Variants in PRKCZ observed in about 807,000 individuals in gnomAD.
PRKCZ encodes protein kinase C zeta type.
In PRKCZ, 33 loss-of-function variants were observed where a neutral mutation model predicts 79.5. That is an observed-to-expected ratio of 0.41 (90% confidence interval 0.31 to 0.55). The LOEUF is 0.55. Among genes scored for constraint, PRKCZ ranks in the 20% least tolerant of loss-of-function variants. The probability of loss-of-function intolerance (pLI) is 0.19; values close to 1 mark genes in which losing one functional copy is unlikely to be tolerated. For missense variants in PRKCZ, 578 were observed against 813.5 expected, an observed-to-expected ratio of 0.71 and a Z score of 3.52; for synonymous variants, 342 against 320.9, an observed-to-expected ratio of 1.07 and a Z score of -0.70.
At chr1:2,179,992 C>T (rs907008814) in intron 16 of PRKCZ, among the ~76,000 whole-genome samples, 5 of 151,994 alleles carry the variant, frequency 3.3e-5, no homozygotes, top group Non-Finnish European at 5.9e-5. Context: ...AGGAGGGAGG[C>T]GGTTATGGGA....
intron 4 of PRKCZ, among the ~76,000 whole-genome samples, chr1:2,079,644 G>A (rs774361747): frequency 1.3e-5 from 2 of 152,246 alleles, no homozygotes; most frequent in Non-Finnish European, 2.9e-5. Context: ...CGCTGGCCCC[G>A]CGGCTGCTGC....
intron 4 of PRKCZ, among the ~76,000 whole-genome samples, chr1:2,081,681 C>T (rs1044391761): frequency 9.9e-5 from 15 of 152,156 alleles, no homozygotes; most frequent in South Asian, 4.1e-4. Flanking sequence ...GGACTGACCC[C>T]GCATACTCTT....
Position 2,174,966 on chromosome 1 carries a change from C to T in PRKCZ, c.1485+133C>T, listed in dbSNP as rs1430327899. On this transcript the variant is annotated intron_variant, in intron 15 of 17. Coordinates refer to ENST00000378567, the MANE Select transcript of PRKCZ (RefSeq NM_002744.6). The surrounding 1 kb of genome is among the most constrained non-coding windows in gnomAD (Gnocchi z 6.2). ...GGGTGTGTGGGTTGATTTTCCGCTT[C>T]AGTATTTGAGCTCTGTGTTCTGTGA... 4 of 955,970 alleles carry T rather than the reference C, an allele frequency of 4.2e-6. No homozygotes were observed. In the East Asian group the frequency reaches 7.4e-5, roughly 18 times the overall value. The allele number at this position is 955,970 out of a possible 1,614,324, so 59.2% of individuals were successfully genotyped here.
Position 2,177,658 on chromosome 1 carries a change from T to G in PRKCZ, c.1575+2345T>G, listed in dbSNP as rs1234401977. Among the ~76,000 whole-genome samples, 3 of 152,176 alleles carry G rather than the reference T, an allele frequency of 2.0e-5. No individual in the cohort carries two copies. The highest frequency in any genetic ancestry group is 6.5e-5 in the Admixed American group (1 of 15,290). ...TCTAGCTGGGAGAGGTCTGCGTCCC[T>G]GCAGCGAGCACGCCAGGTGATCTCT... On this transcript the variant is annotated intron_variant, in intron 16 of 17. Transcript: ENST00000378567. The surrounding 1 kb of genome is among the most constrained non-coding windows in gnomAD (Gnocchi z 6.4).
chr1:2,107,842 C>T (rs1488782705), intron 4 of PRKCZ, among the ~76,000 whole-genome samples: 1 of 148,184 alleles, frequency 6.7e-6, no homozygotes, highest in African/African-American at 2.6e-5. Flanking sequence ...TCCAGGGATT[C>T]CCCCCAGGGC....
intron 4 of PRKCZ, among the ~76,000 whole-genome samples, chr1:2,080,325 A>AGTGTGCGTGGACGTGGCG (rs1663245976): frequency 6.6e-6 from 1 of 150,560 alleles, no homozygotes; most frequent in African/African-American, 2.5e-5. Context: ...AGGTAGGGGC[A>AGTGTGCGTGGACGTGGCG]GTGCGCGTGG....
chr1:2,112,011 C>T (rs778233029), intron 4 of PRKCZ, among the ~76,000 whole-genome samples: 13 of 152,146 alleles, frequency 8.5e-5, no homozygotes, highest in Non-Finnish European at 1.5e-4. Context: ...GTCTTCGAGG[C>T]GATGTTTCCT....
chr1:2,172,652 GAC>G lies in PRKCZ; in HGVS notation c.1285+268_1285+269del, dbSNP rs958529376. On this transcript the variant is annotated intron_variant, in intron 13 of 17. Transcript: ENST00000378567. The surrounding 1 kb of genome is among the most constrained non-coding windows in gnomAD (Gnocchi z 7.8). The stretch of plus-strand genomic sequence containing the variant: ...AGCCCCGGGGCACAGGGAGGGGAAA[GAC>G]ACAGAAAGCGGGGGTGGGACAGGGT... Among the ~76,000 whole-genome samples the G allele has an allele frequency of 1.3e-4, 20 of 152,346 alleles. No homozygotes were observed. The highest frequency in any genetic ancestry group is 4.6e-4 in the African/African-American group (19 of 41,584).
chr1:2,082,469 A>T lies in PRKCZ; in HGVS notation c.334+22878A>T, dbSNP rs1347502052. The T allele has an allele frequency of 2.2e-6, 1 of 455,056 alleles. No individual in the cohort carries two copies. The highest frequency in any genetic ancestry group is 1.6e-5 in the South Asian group (1 of 64,394). The allele number at this position is 455,056 out of a possible 1,614,324, so 28.2% of individuals were successfully genotyped here. On this transcript the variant is annotated intron_variant, in intron 4 of 17. Coordinates refer to ENST00000378567, the MANE Select transcript of PRKCZ (RefSeq NM_002744.6). The surrounding 1 kb of genome is among the most constrained non-coding windows in gnomAD (Gnocchi z 4.4). ...GACTGTAATTTCATTCTGTGAGTGT[A>T]AGATCACGTCCGCGTTCCTAGCGAC...
chr1:2,121,106 G>A (rs116370174), intron 4 of PRKCZ, among the ~76,000 whole-genome samples: 1,735 of 152,276 alleles, frequency 0.011, 37 homozygotes, highest in African/African-American at 0.037. Context: ...GAGCCACTGC[G>A]CCTGGCATCG....
intron 4 of PRKCZ, among the ~76,000 whole-genome samples, chr1:2,093,569 G>A (rs553432127): frequency 1.3e-5 from 2 of 152,246 alleles, no homozygotes; most frequent in South Asian, 4.1e-4. Context: ...AAAAGGTCCT[G>A]GTGACAGTCA....
At chr1:2,148,110 CATCT>C (rs1374005840) in intron 7 of PRKCZ, among the ~76,000 whole-genome samples, 39 of 137,304 alleles carry the variant, frequency 2.8e-4, no homozygotes, top group African/African-American at 9.0e-4. Context: ...TCTATCCATC[CATCT>C]ATTGTCCACT....
chr1:2,185,324 T>C lies in PRKCZ; in HGVS notation c.*315T>C, dbSNP rs1336357563. On this transcript the variant is annotated 3_prime_UTR_variant, in exon 18 of 18. Transcript: ENST00000378567. ...CATTTTCCACGGAAACAGAACTCGATGCACTGACCTGCTCCGCCAGGAAAG... is the reference window on the plus strand; with the variant it reads ...CATTTTCCACGGAAACAGAACTCGACGCACTGACCTGCTCCGCCAGGAAAG... 2 of 718,754 alleles carry C rather than the reference T, an allele frequency of 2.8e-6. No homozygotes were observed. Among genetic ancestry groups the C allele is most frequent in the Non-Finnish European group, 5.2e-6 (2 of 385,126 alleles). 44.5% of individuals were successfully genotyped at this position (718,754 alleles called of 1,614,324 possible).
intron 2 of PRKCZ, among the ~76,000 whole-genome samples, chr1:2,056,279 G>A (rs1013996662): frequency 1.3e-5 from 2 of 152,236 alleles, no homozygotes; most frequent in African/African-American, 4.8e-5. Context: ...CTTCCGGGGT[G>A]GCTCTGACGC....
intron 1 of PRKCZ, 155 bp downstream of exon 1, chr1:2,050,856 G>A: frequency 2.3e-6 from 1 of 436,482 alleles, no homozygotes; most frequent in Non-Finnish European, 3.7e-6. Context: ...GTCCCCGCCC[G>A]TGAGCGTCAC....
intron 4 of PRKCZ, chr1:2,133,646 C>T (rs907751982): frequency 6.5e-6 from 1 of 152,878 alleles, no homozygotes; most frequent in Non-Finnish European, 1.5e-5. Flanking sequence ...GCGTCCGTCC[C>T]TCGGTTCCGC....
Position 2,150,864 on chromosome 1 carries a change from A to G in PRKCZ, c.762A>G (p.Leu254=), listed in dbSNP as rs61729814. ...SQGLGLQDFD[L]IRVIGRGSYA... is the part of the protein sequence containing the mutation. ...GGCTTGGGCTGCAGGACTTTGACCT[A>G]ATCAGAGTCATCGGGCGCGGGAGCT... The change falls in exon 9 of 18, where the codon CTA becomes CTG. Residue 254 remains leucine, a synonymous_variant. Transcript: ENST00000378567. 165 of 1,614,184 alleles carry G rather than the reference A, an allele frequency of 1.0e-4. No individual in the cohort carries two copies. In the African/African-American group the frequency reaches 1.9e-3, roughly 19 times the overall value.
intron 4 of PRKCZ, among the ~76,000 whole-genome samples, chr1:2,120,292 C>CGTT (rs1671603472): frequency 2.5e-5 from 1 of 40,420 alleles, no homozygotes; most frequent in African/African-American, 9.1e-5. Context: ...CTTGACTTTT[C>CGTT]GTTTTTTTTT....
At chr1:2,181,798 T>C (rs1170294557) in intron 16 of PRKCZ, 3 of 455,194 alleles carry the variant, frequency 6.6e-6, no homozygotes, top group Non-Finnish European at 1.3e-5. Flanking sequence ...GAAAGTACTT[T>C]AGGAAATGCC....
Sources: allele counts gnomAD v4.1 joint callset (sites outside exome capture counted in the v4.1 genomes callset), GRCh38; gene constraint gnomAD v4.1.1; non-coding constraint Gnocchi (gnomAD v3.1); transcripts MANE v1.5; gene names NCBI Gene and HGNC (gene_info 2026-07-23, HGNC 2026-07-21).